SHISA6: variants seen among roughly 807,000 people sequenced by gnomAD.
SHISA6 encodes protein shisa-6.
SHISA6 carries 22 observed loss-of-function variants against 47.9 expected under a neutral mutation model. The ratio of observed to expected loss-of-function variants is 0.46; its 90% CI spans 0.33 to 0.66. The LOEUF (loss-of-function observed/expected upper bound fraction) is 0.66, where lower values mean the gene tolerates loss of function less well. SHISA6 is among the 30% of genes least tolerant of loss of function. SHISA6 has a pLI of 0.02. For missense variants in SHISA6, 680 were observed against 764.6 expected, an observed-to-expected ratio of 0.89 and a Z score of 1.30; for synonymous variants, 388 against 337.8, an observed-to-expected ratio of 1.15 and a Z score of -1.63.
chr17:11,341,226 A>G (rs748738585), intron 2 of SHISA6, among the ~76,000 whole-genome samples: 58 of 152,330 alleles, frequency 3.8e-4, no homozygotes, highest in African/African-American at 1.3e-3. Flanking sequence ...AACAGCAACA[A>G]TAAAAATGAC....
intron 2 of SHISA6, among the ~76,000 whole-genome samples, chr17:11,333,068 C>G (rs951088623): frequency 1.3e-5 from 2 of 152,112 alleles, no homozygotes; most frequent in African/African-American, 4.8e-5. Context: ...ACATCTTTAT[C>G]ACTGTGACAA....
chr17:11,347,443 C>T (rs1911737714), intron 2 of SHISA6, among the ~76,000 whole-genome samples: 1 of 152,080 alleles, frequency 6.6e-6, no homozygotes, highest in African/African-American at 2.4e-5. Flanking sequence ...TAGAGAGAAC[C>T]TTTTCAATTA....
At chr17:11,283,561 A>T (rs942506395) in intron 2 of SHISA6, among the ~76,000 whole-genome samples, 2 of 152,248 alleles carry the variant, frequency 1.3e-5, no homozygotes, top group African/African-American at 4.8e-5. Context: ...TTGAATCTGA[A>T]TTAAGGAAAA....
intron 2 of SHISA6, among the ~76,000 whole-genome samples, chr17:11,376,107 G>C (rs568894225): frequency 6.6e-6 from 1 of 152,222 alleles, no homozygotes; most frequent in Non-Finnish European, 1.5e-5. Context: ...GCCCTCTTTT[G>C]TCCTCTTACC....
intron 1 of SHISA6, among the ~76,000 whole-genome samples, chr17:11,260,500 C>G (rs1235312627): frequency 6.6e-6 from 1 of 152,000 alleles, no homozygotes; most frequent in African/African-American, 2.4e-5. Context: ...TCTGACTCTT[C>G]CCCTCCGAAT....
chr17:11,398,885 C>T (rs552704267), intron 3 of SHISA6, among the ~76,000 whole-genome samples: 21 of 152,206 alleles, frequency 1.4e-4, no homozygotes, highest in African/African-American at 3.9e-4. Flanking sequence ...GCCACCACAC[C>T]GGGTCCCAAT....
chr17:11,558,058 G>C lies in SHISA6; in HGVS notation c.1410G>C (p.Ser470=). 5 of 1,551,598 alleles carry C rather than the reference G, an allele frequency of 3.2e-6. No individual in the cohort carries two copies. Among genetic ancestry groups the C allele is most frequent in the Non-Finnish European group, 4.4e-6 (5 of 1,147,004 alleles). ...SPERTAFPEQ[S]LSRAISHTDV... Reference sequence around the variant, plus strand: ...AGCGGACGGCCTTTCCCGAGCAGTCGCTGTCCAGGGCCATCTCGCACACGG... The same window carrying C: ...AGCGGACGGCCTTTCCCGAGCAGTCCCTGTCCAGGGCCATCTCGCACACGG... Residue 470 remains serine, a synonymous_variant, in exon 6 of 6, where the codon TCG becomes TCC. Transcript: ENST00000441885.
intron 2 of SHISA6, among the ~76,000 whole-genome samples, chr17:11,339,216 T>C (rs1268754262): frequency 2.0e-5 from 3 of 151,488 alleles, no homozygotes; most frequent in East Asian, 3.9e-4. Context: ...CCCTGGCCTG[T>C]TATATGTGAT....
rs2071943457 is a variant in SHISA6, at chr17:11,552,919, T to C, written c.952+967T>C. ...GAAAAGAGGTTGATACCAGTGGTGA[T>C]GTTGACAGTGGGAAAAGAAAGGACG... is the stretch of plus-strand genomic sequence containing the variant. On this transcript the variant is annotated intron_variant, in intron 4 of 5. Transcript: ENST00000441885. Among the ~76,000 whole-genome samples, 3 of 152,156 alleles carry C rather than the reference T, an allele frequency of 2.0e-5. No homozygotes were observed. In the South Asian group the frequency reaches 6.2e-4, roughly 32 times the overall value.
chr17:11,505,376 CTT>C (rs2071490617), intron 3 of SHISA6, among the ~76,000 whole-genome samples: 1 of 152,140 alleles, frequency 6.6e-6, no homozygotes, highest in Non-Finnish European at 1.5e-5. Flanking sequence ...GTCTGTTAAC[CTT>C]GTAGGGATAG....
At chr17:11,423,761 G>A (rs1036868623) in intron 3 of SHISA6, among the ~76,000 whole-genome samples, 1 of 151,866 alleles carries the variant, frequency 6.6e-6, no homozygotes, top group Non-Finnish European at 1.5e-5. Context: ...CATAAAAAGT[G>A]TATTTAAAAT....
At chr17:11,253,542 C>T (rs1907894699) in intron 1 of SHISA6, among the ~76,000 whole-genome samples, 1 of 152,036 alleles carries the variant, frequency 6.6e-6, no homozygotes, top group South Asian at 2.1e-4. Flanking sequence ...GTTTGAAATC[C>T]TGCATTGGCC....
chr17:11,383,164 C>T (rs1055356075), intron 3 of SHISA6, among the ~76,000 whole-genome samples: 2 of 152,044 alleles, frequency 1.3e-5, no homozygotes, highest in African/African-American at 2.4e-5. Context: ...TCTCAAACTC[C>T]TGACCTCAGG....
At chr17:11,260,685 T>A (rs141334447) in intron 1 of SHISA6, among the ~76,000 whole-genome samples, 1 of 152,064 alleles carries the variant, frequency 6.6e-6, no homozygotes, top group Non-Finnish European at 1.5e-5. Context: ...TCACTAACTC[T>A]CTTCTCTGAA....
At chr17:11,297,771 T>C (rs914020782) in intron 2 of SHISA6, among the ~76,000 whole-genome samples, 6 of 152,144 alleles carry the variant, frequency 3.9e-5, no homozygotes, top group African/African-American at 1.4e-4. Flanking sequence ...TATCTTGTGG[T>C]TTCTGTCATG....
chr17:11,510,476 G>A (rs2071532743), intron 3 of SHISA6, among the ~76,000 whole-genome samples: 1 of 152,174 alleles, frequency 6.6e-6, no homozygotes, highest in Admixed American at 6.5e-5. Context: ...CCAAGTGATG[G>A]GGTTGTCCCA....
intron 3 of SHISA6, among the ~76,000 whole-genome samples, chr17:11,486,471 C>T (rs1472856321): frequency 6.6e-6 from 1 of 152,182 alleles, no homozygotes; most frequent in African/African-American, 2.4e-5. Flanking sequence ...AACACAGCCA[C>T]CGTAAATATG....
At chr17:11,339,135 G>T (rs1041111697) in intron 2 of SHISA6, among the ~76,000 whole-genome samples, 2 of 148,596 alleles carry the variant, frequency 1.3e-5, no homozygotes, top group Non-Finnish European at 3.0e-5. Flanking sequence ...TGCACATTGT[G>T]CACATGTACC....
rs117042909 is a variant in SHISA6 at position 11,502,085 on chromosome 17, C to G, written c.896-49811C>G. Among the ~76,000 whole-genome samples, 1,110 of 152,284 alleles carry G rather than the reference C, an allele frequency of 7.3e-3. 7 individuals carry two copies. The highest frequency in any genetic ancestry group is 0.012 in the Non-Finnish European group (794 of 68,006). On this transcript the variant is annotated intron_variant, in intron 3 of 5. Transcript: ENST00000441885. ...TCATACCCACAGAAATTCAGTCTAA[C>G]CACACTGCCATATACCATTGCAGAG...
Sources: gnomAD v4.1 joint callset for allele counts (sites outside exome capture counted in the v4.1 genomes callset) on GRCh38, gnomAD v4.1.1 for gene constraint, MANE v1.5 for transcripts, NCBI Gene and HGNC (gene_info 2026-07-23, HGNC 2026-07-21) for gene names.